The following NELL1 variants were observed in gnomAD, a reference collection of about 807,000 sequenced individuals.
NELL1 encodes the protein neural EGFL like 1.
Under a neutral mutation model 107.4 loss-of-function variants are expected in NELL1, and 76 were observed. That is an observed-to-expected ratio of 0.71 (90% CI 0.59 to 0.86). The LOEUF (loss-of-function observed/expected upper bound fraction) is 0.86, where lower values mean the gene tolerates loss of function less well. Among genes scored for constraint, NELL1 ranks in the 40% least tolerant of loss-of-function variants. NELL1 has a pLI of 0.00. For synonymous variants in NELL1, 353 were observed against 341.2 expected (o/e 1.03, Z -0.38); for missense variants, 1,024 against 1,005.5 (o/e 1.02, Z -0.25).
chr11:21,106,324 G>A (rs568940497), intron 12 of NELL1, among the ~76,000 whole-genome samples: 1 of 152,016 alleles, frequency 6.6e-6, no homozygotes, highest in African/African-American at 2.4e-5. Flanking sequence ...TCTGTAACAT[G>A]AGGATGATTC....
intron 15 of NELL1, among the ~76,000 whole-genome samples, chr11:21,504,630 TC>T (rs1431235385): frequency 2.0e-5 from 3 of 152,210 alleles, no homozygotes; most frequent in African/African-American, 7.2e-5. Flanking sequence ...AGGTCTTCAT[TC>T]CTATCTTGCT....
At chr11:21,193,697 T>A (rs1043179559) in intron 13 of NELL1, among the ~76,000 whole-genome samples, 8 of 151,854 alleles carry the variant, frequency 5.3e-5, no homozygotes, top group Non-Finnish European at 8.8e-5. Flanking sequence ...CACCAAAAAA[T>A]TTCACAGATA....
Position 20,739,117 on chromosome 11 carries a change from C to T in NELL1, c.185-44563C>T, listed in dbSNP as rs117905451. Among the ~76,000 whole-genome samples, 1,312 of 152,360 alleles carry T rather than the reference C, an allele frequency of 8.6e-3. 14 individuals are homozygous for T. The highest frequency in any genetic ancestry group is 0.014 in the Non-Finnish European group (972 of 68,038). On this transcript the variant is annotated intron_variant, in intron 2 of 19. Transcript: ENST00000357134. ...GTGCTCAGTAATCATGCTGTATTGG[C>T]TACTGTGTTGGACAGCACAGCTGTC...
intron 4 of NELL1, among the ~76,000 whole-genome samples, chr11:20,863,167 A>T (rs1200632499): frequency 1.3e-5 from 2 of 151,590 alleles, no homozygotes; most frequent in Admixed American, 6.6e-5. Context: ...CACTTCCCAG[A>T]AGGGGTGGCC....
chr11:20,867,437 G>C (rs1336917242), intron 4 of NELL1, among the ~76,000 whole-genome samples: 1 of 152,194 alleles, frequency 6.6e-6, no homozygotes, highest in Non-Finnish European at 1.5e-5. Flanking sequence ...GGAGGAGAAA[G>C]AGGAGGAAAC....
At chr11:21,061,462 G>A (rs1243365632) in intron 12 of NELL1, among the ~76,000 whole-genome samples, 1 of 152,166 alleles carries the variant, frequency 6.6e-6, no homozygotes, top group East Asian at 1.9e-4. Context: ...CTGTTCCACT[G>A]TAAAGTTTTA....
intron 14 of NELL1, among the ~76,000 whole-genome samples, chr11:21,304,595 A>G (rs1849568570): frequency 6.6e-6 from 1 of 151,476 alleles, no homozygotes. Context: ...TCTCTCCTTT[A>G]AAGCATAGGA....
In NELL1 at chr11:21,084,590, G is replaced by T. The variant is rs576212289; in HGVS notation, c.1301-28999G>T. ...CTGGCCCTGGGTGAAATGGTGGTTT[G>T]CAGGGCTAACTCTAGGGGCATACCA... On this transcript the variant is annotated intron_variant, in intron 12 of 19. Transcript: ENST00000357134. 1.2e-3 allele frequency among the ~76,000 whole-genome samples: 177 copies of T among 152,218 alleles called. 1 individual carries two copies. The highest frequency in any genetic ancestry group is 4.1e-3 in the African/African-American group (171 of 41,532).
intron 12 of NELL1, among the ~76,000 whole-genome samples, chr11:21,111,074 TCC>T (rs1300565519): frequency 6.6e-6 from 1 of 152,136 alleles, no homozygotes; most frequent in Non-Finnish European, 1.5e-5. Context: ...TTATTGCTCT[TCC>T]CTTGGCCTGT....
chr11:20,746,129 G>A (rs182085039), intron 2 of NELL1, among the ~76,000 whole-genome samples: 17 of 152,166 alleles, frequency 1.1e-4, no homozygotes, highest in African/African-American at 3.9e-4. Context: ...TTTTGGGTGA[G>A]GGAAGACTTC....
At chr11:21,265,840 G>A (rs182006231) in intron 14 of NELL1, among the ~76,000 whole-genome samples, 82 of 152,042 alleles carry the variant, frequency 5.4e-4, no homozygotes, top group African/African-American at 1.8e-3. Context: ...TAATGTCTGT[G>A]TACCACGCTA....
rs66707466 is a variant in NELL1 at position 21,522,834 on chromosome 11, C to CTTTTTTTT, written c.1646-11523_1646-11516dup. On this transcript the variant is annotated intron_variant, in intron 15 of 19. Coordinates refer to ENST00000357134, the MANE Select transcript of NELL1 (RefSeq NM_006157.5). ...ATCTTGAATCCTATTTTTTTCTTTT[C>CTTTTTTTT]TTTTTTTTTTTTTTTTTTTTTTTTG... 1.5e-3 allele frequency among the ~76,000 whole-genome samples: 100 copies of CTTTTTTTT among 68,438 alleles called. 5 individuals carry two copies. The highest frequency in any genetic ancestry group is 1.9e-3 in the Non-Finnish European group (73 of 39,458). 44.9% of individuals were successfully genotyped at this position (68,438 alleles called of 152,430 possible).
intron 15 of NELL1, among the ~76,000 whole-genome samples, chr11:21,417,086 A>G (rs1304634622): frequency 6.6e-6 from 1 of 152,034 alleles, no homozygotes; most frequent in Non-Finnish European, 1.5e-5. Context: ...AAACAGTATA[A>G]TATATACTAT....
chr11:21,224,053 A>G (rs543756873), intron 13 of NELL1, among the ~76,000 whole-genome samples: 4 of 152,002 alleles, frequency 2.6e-5, no homozygotes, highest in African/African-American at 4.8e-5. Flanking sequence ...GCATATCCTT[A>G]TATGTGATTT....
At chr11:20,833,635 G>A (rs1202326088) in intron 3 of NELL1, among the ~76,000 whole-genome samples, 3 of 152,118 alleles carry the variant, frequency 2.0e-5, no homozygotes, top group African/African-American at 4.8e-5. Context: ...AAATATTTAA[G>A]TACAGAGATA....
intron 13 of NELL1, among the ~76,000 whole-genome samples, chr11:21,228,068 T>C (rs747904518): frequency 2.0e-5 from 3 of 152,250 alleles, no homozygotes; most frequent in Non-Finnish European, 4.4e-5. Flanking sequence ...CTAACTGGAA[T>C]TTCTATTCTT....
rs140471978 is a variant in NELL1 at position 21,532,152 on chromosome 11, G to A, written c.1646-2222G>A. Among the ~76,000 whole-genome samples, 43 of 152,224 alleles carry A rather than the reference G, an allele frequency of 2.8e-4. No homozygotes were observed. In the East Asian group the frequency reaches 4.3e-3, roughly 15 times the overall value. ...CGTCTGTGAAAAGTACAGTTGTCAG[G>A]CAAAATGGGCTTCTCCACTACTTTC... On this transcript the variant is annotated intron_variant, in intron 15 of 19. Transcript: ENST00000357134.
intron 13 of NELL1, among the ~76,000 whole-genome samples, chr11:21,201,491 T>C (rs1857268836): frequency 1.3e-5 from 2 of 152,260 alleles, no homozygotes; most frequent in African/African-American, 4.8e-5. Context: ...TCTGAGACTT[T>C]GCAGAAGTTG....
chr11:20,706,898 G>C (rs1854976404), intron 2 of NELL1, among the ~76,000 whole-genome samples: 1 of 152,206 alleles, frequency 6.6e-6, no homozygotes, highest in Non-Finnish European at 1.5e-5. Flanking sequence ...GGCGTTCTCT[G>C]TATTTCCTGA....
Sources: allele counts gnomAD v4.1 joint callset (sites outside exome capture counted in the v4.1 genomes callset), GRCh38; gene constraint gnomAD v4.1.1; transcripts MANE v1.5; gene names NCBI Gene and HGNC (gene_info 2026-07-23, HGNC 2026-07-21).